Variants in EYS observed in about 807,000 individuals in gnomAD.
The protein encoded by EYS is protein eyes shut homolog.
Under a neutral mutation model 282.1 loss-of-function variants are expected in EYS, and 250 were observed. The ratio of observed to expected loss-of-function variants is 0.89; its 90% confidence interval spans 0.80 to 0.98. The LOEUF (loss-of-function observed/expected upper bound fraction) is 0.98. Among genes scored for constraint, EYS ranks in the 50% least tolerant of loss-of-function variants. EYS has a pLI of 0.00. For missense variants in EYS, 4,016 were observed against 3,709.0 expected, an observed-to-expected ratio of 1.08 and a Z score of -2.15; for synonymous variants, 1,355 against 1,282.9, an observed-to-expected ratio of 1.06 and a Z score of -1.20.
chr6:65,089,471 G>A (rs1458655409), intron 12 of EYS, among the ~76,000 whole-genome samples: 2 of 152,110 alleles, frequency 1.3e-5, no homozygotes. Context: ...TTGAGGCCTG[G>A]AGCCCCTTTG....
chr6:65,645,082 A>T (rs1242998843), intron 1 of EYS, among the ~76,000 whole-genome samples: 1 of 150,794 alleles, frequency 6.6e-6, no homozygotes, highest in Non-Finnish European at 1.5e-5. Flanking sequence ...AAAATGAACT[A>T]ATATAGGGAC....
intron 22 of EYS, among the ~76,000 whole-genome samples, chr6:64,666,772 C>T (rs1769244082): frequency 6.6e-6 from 1 of 152,148 alleles, no homozygotes; most frequent in African/African-American, 2.4e-5. Flanking sequence ...AGGAACCTAC[C>T]AATAACCAGT....
rs1272100908 is a variant in EYS at position 64,274,569 on chromosome 6, G to C, written c.6191+32401C>G. Among the ~76,000 whole-genome samples, 6 of 118,812 alleles carry C rather than the reference G, an allele frequency of 5.0e-5. No homozygotes were observed. In the East Asian group the frequency reaches 1.6e-3, roughly 32 times the overall value. The allele number at this position is 118,812 out of a possible 152,430, so 77.9% of individuals were successfully genotyped here. ...CAAGTATGATCACATTAAGAATTTT[G>C]TACAAATTTTTCTTTCATCCTGGAG... is the stretch of plus-strand genomic sequence containing the variant. On this transcript the variant is annotated intron_variant, in intron 30 of 42. Coordinates refer to ENST00000503581, the MANE Select transcript of EYS (RefSeq NM_001142800.2).
At chr6:64,702,002 A>G (rs909692724) in intron 22 of EYS, among the ~76,000 whole-genome samples, 1 of 151,270 alleles carries the variant, frequency 6.6e-6, no homozygotes, top group Non-Finnish European at 1.5e-5. Flanking sequence ...AAATGCAGTA[A>G]ATTTTACCCT....
chr6:64,328,987 A>T (rs1178572194), intron 29 of EYS, among the ~76,000 whole-genome samples: 1 of 152,172 alleles, frequency 6.6e-6, no homozygotes, highest in African/African-American at 2.4e-5. Flanking sequence ...GGCTGGCCAG[A>T]ACCCCCTACT....
At chr6:64,458,550 G>A (rs933001058) in intron 26 of EYS, among the ~76,000 whole-genome samples, 1 of 151,504 alleles carries the variant, frequency 6.6e-6, no homozygotes, top group African/African-American at 2.4e-5. Context: ...CTGCAGCTAG[G>A]CATGTTGAAA....
chr6:65,570,218 G>T (rs190370913), intron 2 of EYS, among the ~76,000 whole-genome samples: 1 of 152,206 alleles, frequency 6.6e-6, no homozygotes, highest in Non-Finnish European at 1.5e-5. Flanking sequence ...GTATACTCGA[G>T]ATTACTGAAC....
chr6:65,473,661 G>A (rs574007294), intron 5 of EYS, among the ~76,000 whole-genome samples: 6 of 151,650 alleles, frequency 4.0e-5, no homozygotes, highest in African/African-American at 7.3e-5. Context: ...TATCTTTTTT[G>A]TTTTTTACTC....
intron 42 of EYS, among the ~76,000 whole-genome samples, chr6:63,723,799 T>A (rs1768504816): frequency 8.5e-6 from 1 of 117,996 alleles, no homozygotes; most frequent in Middle Eastern, 4.4e-3. Context: ...ATTATTATTA[T>A]TATTATTATT....
intron 2 of EYS, among the ~76,000 whole-genome samples, chr6:65,634,696 TG>T (rs1767027976): frequency 6.6e-6 from 1 of 152,344 alleles, no homozygotes; most frequent in South Asian, 2.1e-4. Context: ...CCAACAACTG[TG>T]GAGTCATCCT....
rs746534165 is a variant in EYS at position 64,590,610 on chromosome 6, A to C, written c.5257T>G (p.Tyr1753Asp). Residue 1753 changes from tyrosine (Y) to aspartate (D), a missense_variant, in exon 26 of 43, where the codon TAT becomes GAT. Transcript: ENST00000503581. ...SLDFELNLQIYPDVTLKTYSE... is the reference protein window; with the variant it reads ...SLDFELNLQIDPDVTLKTYSE... ...TATGTCTTTAAAGTAACATCCGGAT[A>C]AATTTGTAAGTTTAACTCAAAATCC... 6.4e-7 allele frequency: 1 copy of C among 1,551,318 alleles called. No homozygotes were observed.
chr6:65,000,184 C>T (rs1376272151), intron 13 of EYS, among the ~76,000 whole-genome samples: 2 of 152,142 alleles, frequency 1.3e-5, no homozygotes, highest in Non-Finnish European at 2.9e-5. Context: ...CCTGTCTATA[C>T]GTTCCGCTAG....
chr6:64,179,292 ACTAC>A (rs1764724516), intron 31 of EYS, among the ~76,000 whole-genome samples: 2 of 152,018 alleles, frequency 1.3e-5, no homozygotes, highest in African/African-American at 4.8e-5. Flanking sequence ...TTGCTATAAA[ACTAC>A]CTTGGGCTAA....
At chr6:64,728,476 A>G (rs1157828079) in intron 22 of EYS, among the ~76,000 whole-genome samples, 3 of 152,000 alleles carry the variant, frequency 2.0e-5, no homozygotes, top group Non-Finnish European at 4.4e-5. Flanking sequence ...CTGGGGCTAC[A>G]GGCGCCCGCC....
intron 29 of EYS, among the ~76,000 whole-genome samples, chr6:64,379,152 T>C (rs930463567): frequency 3.3e-5 from 5 of 152,290 alleles, no homozygotes; most frequent in Admixed American, 6.5e-5. Flanking sequence ...TTTTCTTATG[T>C]AAGATCATTC....
intron 36 of EYS, among the ~76,000 whole-genome samples, chr6:63,832,457 A>G (rs1771670320): frequency 6.6e-6 from 1 of 152,250 alleles, no homozygotes; most frequent in Admixed American, 6.5e-5. Flanking sequence ...AATAAACTAG[A>G]AAATCTAGAA....
chr6:65,400,388 T>C (rs776416697), intron 7 of EYS, among the ~76,000 whole-genome samples: 2 of 152,144 alleles, frequency 1.3e-5, no homozygotes, highest in South Asian at 4.1e-4. Flanking sequence ...ATTCTATCTG[T>C]CTGATACCTC....
intron 26 of EYS, among the ~76,000 whole-genome samples, chr6:64,522,636 G>A (rs184721273): frequency 6.6e-6 from 1 of 151,872 alleles, no homozygotes. Context: ...AGACTGAGCA[G>A]GAGGTGTATG....
intron 5 of EYS, among the ~76,000 whole-genome samples, chr6:65,433,439 A>G (rs1418792241): frequency 6.6e-6 from 1 of 152,214 alleles, no homozygotes; most frequent in Non-Finnish European, 1.5e-5. Context: ...GAATGCTTCA[A>G]CAAGATTATA....
Sources: allele counts gnomAD v4.1 joint callset (sites outside exome capture counted in the v4.1 genomes callset), GRCh38; gene constraint gnomAD v4.1.1; transcripts MANE v1.5; gene names NCBI Gene and HGNC (gene_info 2026-07-23, HGNC 2026-07-21).